The following MTNAP1 variants were observed in gnomAD, a reference collection of about 807,000 sequenced individuals.
MTNAP1 encodes the protein mitochondrial nucleoid associated protein 1.
chr17:73,236,818 A>G, the MTNAP1 span: 1 of 1,613,978 alleles, frequency 6.2e-7, no homozygotes, highest in Non-Finnish European at 8.5e-7. Flanking sequence ...CCCCTTCACC[A>G]ATCATGCTGC....
At chr17:73,242,304 C>G in the MTNAP1 span, 2 of 1,606,300 alleles carry the variant, frequency 1.2e-6, no homozygotes, top group Non-Finnish European at 1.7e-6. Context: ...GCCGGACTTA[C>G]AACCTCCAAC....
the MTNAP1 span, among the ~76,000 whole-genome samples, chr17:73,237,774 TTAGAG>T: frequency 1.3e-5 from 2 of 151,860 alleles, no homozygotes; most frequent in African/African-American, 2.4e-5. Context: ...ATCTAGGAAT[TTAGAG>T]TAGCAAAGTA....
At chr17:73,235,792 G>A in the MTNAP1 span, 1 of 1,614,158 alleles carries the variant, frequency 6.2e-7, no homozygotes, top group South Asian at 1.1e-5. Context: ...GGAAAGAGCA[G>A]CTACTACAAA....
the MTNAP1 span, chr17:73,236,114 C>A: frequency 2.5e-6 from 4 of 1,613,896 alleles, no homozygotes; most frequent in Non-Finnish European, 3.4e-6. Flanking sequence ...AAAATTGATC[C>A]CCAAAGACAG....
the MTNAP1 span, chr17:73,247,466 C>T: frequency 3.2e-4 from 285 of 887,818 alleles, 3 homozygotes; most frequent in South Asian, 4.2e-3. Context: ...GCTTTTCAGC[C>T]CTCAAGGTTA....
chr17:73,234,345 G>A, the MTNAP1 span, among the ~76,000 whole-genome samples: 2 of 150,144 alleles, frequency 1.3e-5, no homozygotes, highest in African/African-American at 2.5e-5. Context: ...TTTTTACATC[G>A]TATATGTTTA....
At chr17:73,244,703 TAAGAA>T in the MTNAP1 span, 1 of 113,096 alleles carries the variant, frequency 8.8e-6, no homozygotes, top group Non-Finnish European at 2.0e-5. Context: ...CTGGACTTCT[TAAGAA>T]AAAAAAAAAT....
At chr17:73,237,217 C>A in the MTNAP1 span, among the ~76,000 whole-genome samples, 1 of 152,162 alleles carries the variant, frequency 6.6e-6, no homozygotes, top group African/African-American at 2.4e-5. Context: ...GCAGGTGGAT[C>A]ACTTGAATTC....
At chr17:73,237,039 G>A in the MTNAP1 span, 6 of 1,482,094 alleles carry the variant, frequency 4.0e-6, no homozygotes, top group Middle Eastern at 1.8e-4. Flanking sequence ...CATCCAAAAT[G>A]CTCTCTCTGC....
the MTNAP1 span, chr17:73,236,179 A>C: frequency 6.2e-7 from 1 of 1,614,202 alleles, no homozygotes; most frequent in South Asian, 1.1e-5. Flanking sequence ...TATTTCTCCA[A>C]AGAATGTCAG....
chr17:73,242,982 A>C, the MTNAP1 span: 1 of 1,613,440 alleles, frequency 6.2e-7, no homozygotes, highest in South Asian at 1.1e-5. Context: ...CCTGTGTTGT[A>C]GCTGGAGTTT....
the MTNAP1 span, among the ~76,000 whole-genome samples, chr17:73,239,099 G>A: frequency 6.6e-6 from 1 of 152,002 alleles, no homozygotes; most frequent in Non-Finnish European, 1.5e-5. Context: ...ACCACGCCCG[G>A]CTAATTTTGT....
the MTNAP1 span, among the ~76,000 whole-genome samples, chr17:73,234,892 T>C: frequency 1.5e-4 from 23 of 151,654 alleles, no homozygotes; most frequent in Non-Finnish European, 2.9e-4. Context: ...ATTCTATTTA[T>C]CACTTTGGAA....
At chr17:73,248,146 C>G in the MTNAP1 span, 1 of 250,132 alleles carries the variant, frequency 4.0e-6, no homozygotes. Flanking sequence ...ATACATTTTT[C>G]GCTCATGTAT....
At chr17:73,235,003 C>T in the MTNAP1 span, among the ~76,000 whole-genome samples, 1 of 152,118 alleles carries the variant, frequency 6.6e-6, no homozygotes, top group Non-Finnish European at 1.5e-5. Context: ...ATTGCCAGAG[C>T]TCAGGAGTTC....
At chr17:73,236,383 AC>A in the MTNAP1 span, 5 of 1,614,162 alleles carry the variant, frequency 3.1e-6, no homozygotes, top group Middle Eastern at 1.6e-4. Context: ...GAAAGGACTT[AC>A]CCTGGGAGTA....
At chr17:73,245,546 C>T in the MTNAP1 span, 1 of 985,352 alleles carries the variant, frequency 1.0e-6, no homozygotes, top group Non-Finnish European at 1.2e-6. Flanking sequence ...GCTAGTATCT[C>T]ATTACCATTC....
the MTNAP1 span, chr17:73,236,122 C>A: frequency 6.2e-7 from 1 of 1,614,130 alleles, no homozygotes; most frequent in Non-Finnish European, 8.5e-7. Context: ...TCCCCAAAGA[C>A]AGGAACTTCT....
the MTNAP1 span, chr17:73,248,192 C>T: frequency 2.8e-6 from 1 of 359,434 alleles, no homozygotes; most frequent in Non-Finnish European, 5.1e-6. Flanking sequence ...ACAGCCAGTT[C>T]CAATCATGTA....
Sources: gnomAD v4.1 joint callset for allele counts (sites outside exome capture counted in the v4.1 genomes callset) on GRCh38, gnomAD v4.1.1 for gene constraint, MANE v1.5 for transcripts, NCBI Gene and HGNC (gene_info 2026-07-23, HGNC 2026-07-21) for gene names.